SGMS2: variants seen among roughly 807,000 people sequenced by gnomAD.
SGMS2 encodes the protein phosphatidylcholine:ceramide cholinephosphotransferase 2.
A neutral mutation model predicts 43.8 loss-of-function variants in SGMS2; 21 were observed. The ratio of observed to expected loss-of-function variants is 0.48; its 90% CI spans 0.34 to 0.69. The LOEUF is 0.69. SGMS2 is among the 30% of genes least tolerant of loss of function. The pLI is 0.01. For missense variants in SGMS2, 384 were observed against 443.2 expected, an observed-to-expected ratio of 0.87 and a Z score of 1.20; for synonymous variants, 167 against 160.6, an observed-to-expected ratio of 1.04 and a Z score of -0.30.
chr4:107,896,733 G>A (rs1730702752), intron 3 of SGMS2, among the ~76,000 whole-genome samples: 1 of 152,130 alleles, frequency 6.6e-6, no homozygotes. Context: ...AAATAAGTCA[G>A]GTACTTTTGC....
At chr4:107,849,116 A>G (rs1169815896) in intron 1 of SGMS2, among the ~76,000 whole-genome samples, 3 of 152,088 alleles carry the variant, frequency 2.0e-5, no homozygotes, top group Admixed American at 2.0e-4. Context: ...AGAGAAACAG[A>G]CTGGTTCTCT....
intron 2 of SGMS2, among the ~76,000 whole-genome samples, chr4:107,881,949 C>CT (rs1578600952): frequency 6.6e-6 from 1 of 152,114 alleles, no homozygotes; most frequent in South Asian, 2.1e-4. Context: ...ACATCCTATT[C>CT]TTTTTTATGG....
At chr4:107,876,988 T>G (rs1728957289) in intron 2 of SGMS2, among the ~76,000 whole-genome samples, 1 of 152,176 alleles carries the variant, frequency 6.6e-6, no homozygotes, top group South Asian at 2.1e-4. Flanking sequence ...ATATAAGTCT[T>G]AAATATCTTA....
rs774442653 is a variant in SGMS2, at chr4:107,877,913, C to CTTTTTTTT, written c.-244-17384_-244-17377dup. Among the ~76,000 whole-genome samples, 86 of 102,162 alleles carry CTTTTTTTT rather than the reference C, an allele frequency of 8.4e-4. 1 individual carries two copies. Among genetic ancestry groups the CTTTTTTTT allele is most frequent in the African/African-American group, 2.9e-3 (75 of 25,554 alleles). 67.0% of individuals were successfully genotyped at this position (102,162 alleles called of 152,430 possible). On this transcript the variant is annotated intron_variant, in intron 2 of 6. Coordinates refer to ENST00000690982, the MANE Select transcript of SGMS2 (RefSeq NM_001375905.1). Reference sequence around the variant, plus strand: ...CTCTTTCTTTCTTTCTTTTTCTTTTCTTTTTTTTTTTTTTTTTTTTGAGAT... The same window carrying CTTTTTTTT: ...CTCTTTCTTTCTTTCTTTTTCTTTTCTTTTTTTTTTTTTTTTTTTTTTTTTTTTGAGAT...
Position 107,895,581 on chromosome 4 carries a change from G to A in SGMS2, c.28G>A (p.Glu10Lys). The A allele has an allele frequency of 6.2e-7, 1 of 1,613,788 alleles. No homozygotes were observed. Among genetic ancestry groups the A allele is most frequent in the Non-Finnish European group, 8.5e-7 (1 of 1,179,848 alleles). The change falls in exon 3 of 7, where the codon GAA (glutamate) becomes AAA (lysine). Residue 10 changes from glutamate to lysine, a missense_variant. Transcript: ENST00000690982. ...GGATATCATAGAGACAGCAAAACTTGAAGAACATTTGGAAAATCAACCCAG... is the reference window on the plus strand; with the variant it reads ...GGATATCATAGAGACAGCAAAACTTAAAGAACATTTGGAAAATCAACCCAG... MDIIETAKLEEHLENQPSDP... is the reference protein window; with the variant it reads MDIIETAKLKEHLENQPSDP...
Position 107,914,431 on chromosome 4 carries a change from A to C in SGMS2, c.*3878A>C, listed in dbSNP as rs1376733162. On this transcript the variant is annotated 3_prime_UTR_variant, in exon 7 of 7. Transcript: ENST00000690982. ...TCATTATTTAATTTACCTCCTATGC[A>C]ATGATTAATGCTGCAAAATGTATGG... is the stretch of plus-strand genomic sequence containing the variant. 2 of 152,122 alleles carry C rather than the reference A, an allele frequency of 1.3e-5. No homozygotes were observed. Among genetic ancestry groups the C allele is most frequent in the Non-Finnish European group, 2.9e-5 (2 of 67,978 alleles). 9.4% of individuals were successfully genotyped at this position (152,122 alleles called of 1,614,324 possible).
At chr4:107,869,077 G>A (rs571845917) in intron 2 of SGMS2, among the ~76,000 whole-genome samples, 1 of 152,126 alleles carries the variant, frequency 6.6e-6, no homozygotes, top group African/African-American at 2.4e-5. Flanking sequence ...CACCCAAGAG[G>A]GGGAGGTTGG....
At chr4:107,836,808 T>C (rs1726209173) in intron 1 of SGMS2, among the ~76,000 whole-genome samples, 1 of 152,038 alleles carries the variant, frequency 6.6e-6, no homozygotes, top group African/African-American at 2.4e-5. Context: ...GGAACACATA[T>C]GATTAGAATG....
chr4:107,829,530 A>T (rs1283888320), intron 1 of SGMS2, among the ~76,000 whole-genome samples: 1 of 152,234 alleles, frequency 6.6e-6, no homozygotes, highest in Non-Finnish European at 1.5e-5. Context: ...AAGTCAAATC[A>T]GATAATGAGT....
At position 107,870,882 on chromosome 4, in the gene SGMS2, C is replaced by A. The variant is rs184216412; in HGVS notation, c.-245+12329C>A. 4.1e-3 allele frequency among the ~76,000 whole-genome samples: 631 copies of A among 152,136 alleles called. 1 individual carries two copies. Among genetic ancestry groups the A allele is most frequent in the Non-Finnish European group, 7.1e-3 (486 of 67,988 alleles). ...TAAAGTGATTATTTATAGGCAAGCA[C>A]TTTTATTTATATAGAGTCATCAATG... is the stretch of plus-strand genomic sequence containing the variant. On this transcript the variant is annotated intron_variant, in intron 2 of 6. Coordinates refer to ENST00000690982, the MANE Select transcript of SGMS2 (RefSeq NM_001375905.1).
At chr4:107,908,338 C>A (rs749153299) in intron 5 of SGMS2, 11 of 482,604 alleles carry the variant, frequency 2.3e-5, no homozygotes, top group Non-Finnish European at 2.6e-5. Context: ...GTGTTACCAG[C>A]TTCCCCAGTG....
chr4:107,864,832 T>C (rs1285263128), intron 2 of SGMS2, among the ~76,000 whole-genome samples: 1 of 152,184 alleles, frequency 6.6e-6, no homozygotes, highest in Non-Finnish European at 1.5e-5. Flanking sequence ...AGAATCCCTG[T>C]TTTATATGCA....
At chr4:107,889,968 T>C (rs1378444527) in intron 2 of SGMS2, among the ~76,000 whole-genome samples, 1 of 152,144 alleles carries the variant, frequency 6.6e-6, no homozygotes, top group Non-Finnish European at 1.5e-5. Context: ...GAATCCTGGG[T>C]TTCCAAAAAG....
At chr4:107,905,296 C>A (rs1731461919) in intron 5 of SGMS2, among the ~76,000 whole-genome samples, 1 of 152,124 alleles carries the variant, frequency 6.6e-6, no homozygotes. Flanking sequence ...AAACCATCAG[C>A]TCTTGTGAGA....
At chr4:107,859,281 T>A (rs557233276) in intron 2 of SGMS2, among the ~76,000 whole-genome samples, 249 of 152,304 alleles carry the variant, frequency 1.6e-3, no homozygotes, top group Non-Finnish European at 3.2e-3. Flanking sequence ...TTACTTTTTA[T>A]CATTACTGTT....
chr4:107,840,202 A>T (rs990134316), intron 1 of SGMS2, among the ~76,000 whole-genome samples: 1 of 152,216 alleles, frequency 6.6e-6, no homozygotes. Flanking sequence ...GAAACTGCAG[A>T]AAGATATATA....
At chr4:107,833,185 G>A (rs779506165) in intron 1 of SGMS2, among the ~76,000 whole-genome samples, 1 of 152,190 alleles carries the variant, frequency 6.6e-6, no homozygotes, top group Admixed American at 6.5e-5. Flanking sequence ...AGCAAGACTA[G>A]CAGCAATCTC....
chr4:107,872,748 A>G (rs12639826), intron 2 of SGMS2, among the ~76,000 whole-genome samples: 24,616 of 152,090 alleles, frequency 0.16, 2,149 homozygotes, highest in South Asian at 0.38. Flanking sequence ...TATTTTTTCA[A>G]TGCAAAAAAA....
chr4:107,836,914 A>T (rs756402122), intron 1 of SGMS2, among the ~76,000 whole-genome samples: 1 of 152,204 alleles, frequency 6.6e-6, no homozygotes, highest in Non-Finnish European at 1.5e-5. Flanking sequence ...AAAATAACTC[A>T]GTGCAGATGA....
Sources: allele counts gnomAD v4.1 joint callset (sites outside exome capture counted in the v4.1 genomes callset), GRCh38; gene constraint gnomAD v4.1.1; transcripts MANE v1.5; gene names NCBI Gene and HGNC (gene_info 2026-07-23, HGNC 2026-07-21).